The following GNA13 variants were observed in gnomAD, a reference collection of about 807,000 sequenced individuals.
GNA13 encodes the protein G protein subunit alpha 13, also known as guanine nucleotide-binding protein subunit alpha-13.
Under a neutral mutation model 33.5 loss-of-function variants are expected in GNA13, and 4 were observed. That is an observed-to-expected ratio of 0.12 (90% CI 0.06 to 0.27). The LOEUF is 0.27. GNA13 is among the 10% of genes least tolerant of loss of function. The pLI is 1.00. For synonymous variants in GNA13, 176 were observed against 183.8 expected (o/e 0.96, Z 0.34); for missense variants, 319 against 487.2 (o/e 0.65, Z 3.25).
chr17:65,056,283 C>G (rs754833698), intron 1 of GNA13, 28 bp downstream of exon 1: 48 of 838,948 alleles, frequency 5.7e-5, no homozygotes, highest in Non-Finnish European at 7.9e-5. Context: ...CTGCCCTTAA[C>G]CCCCGGCCCC....
chr17:65,027,259 A>T (rs1282106109), intron 2 of GNA13, among the ~76,000 whole-genome samples: 1 of 150,962 alleles, frequency 6.6e-6, no homozygotes, highest in Non-Finnish European at 1.5e-5. Context: ...TTCTCAAATC[A>T]TCCAGATTTA....
At chr17:65,049,084 G>A (rs570573537) in intron 2 of GNA13, among the ~76,000 whole-genome samples, 2 of 152,162 alleles carry the variant, frequency 1.3e-5, no homozygotes, top group Admixed American at 6.6e-5. Context: ...GGAACTTAAT[G>A]TAGAATTAAA....
Position 65,053,482 on chromosome 17 carries a change from TA to T in GNA13, c.510+19del, listed in dbSNP as rs1238461113. 6 of 1,461,192 alleles carry T rather than the reference TA, an allele frequency of 4.1e-6. No homozygotes were observed. Among genetic ancestry groups the T allele is most frequent in the Non-Finnish European group, 5.8e-6 (6 of 1,041,738 alleles). The allele number at this position is 1,461,192 out of a possible 1,614,324, so 90.5% of individuals were successfully genotyped here. ...ATCATTAAAATAAAACCACACGTTT[TA>T]AAAGAGCAAATCTCTTACCAGTTGA... On this transcript the variant is annotated intron_variant, in intron 2 of 3. Coordinates refer to ENST00000439174, the MANE Select transcript of GNA13 (RefSeq NM_006572.6).
In GNA13 at chr17:65,056,715, C is replaced by G. The variant is rs1310997181; in HGVS notation, c.-122G>C. The G allele has an allele frequency of 5.9e-5, 34 of 575,412 alleles. No individual in the cohort carries two copies. Among genetic ancestry groups the G allele is most frequent in the Non-Finnish European group, 8.6e-5 (34 of 396,750 alleles). The allele number at this position is 575,412 out of a possible 1,614,324, so 35.6% of individuals were successfully genotyped here. On this transcript the variant is annotated 5_prime_UTR_variant, in exon 1 of 4. Coordinates refer to ENST00000439174, the MANE Select transcript of GNA13 (RefSeq NM_006572.6). ...GAGCGCGGCGGCGGCCCGAGCGCGC[C>G]CAGGGAGGGAGGGAACCAGCGAACT...
intron 1 of GNA13, 46 bp from the exon 2 acceptor site, chr17:65,053,774 C>T (rs1390947371): frequency 3.5e-6 from 4 of 1,144,166 alleles, no homozygotes; most frequent in South Asian, 2.6e-5. Context: ...GGAGTCATTA[C>T]ATATTATCAT....
At chr17:65,054,830 C>A (rs571152038) in intron 1 of GNA13, among the ~76,000 whole-genome samples, 2 of 152,250 alleles carry the variant, frequency 1.3e-5, no homozygotes, top group Admixed American at 1.3e-4. Flanking sequence ...AAGGTACCTT[C>A]AATTAAGGAC....
In GNA13 at chr17:65,011,884, TG is replaced by T. The variant is rs1482220791; in HGVS notation, c.*2372del. ...AAGGATTCAGTTTTCATGATACAGGTGTAAGACTCCTTTCAAACGTTTTTAA... is the reference window on the plus strand; with the variant it reads ...AAGGATTCAGTTTTCATGATACAGGTTAAGACTCCTTTCAAACGTTTTTAA... On this transcript the variant is annotated 3_prime_UTR_variant, in exon 4 of 4. Coordinates refer to ENST00000439174, the MANE Select transcript of GNA13 (RefSeq NM_006572.6). 6 of 227,532 alleles carry T rather than the reference TG, an allele frequency of 2.6e-5. No homozygotes were observed. The highest frequency in any genetic ancestry group is 5.2e-5 in the Non-Finnish European group (6 of 114,624). 14.1% of individuals were successfully genotyped at this position (227,532 alleles called of 1,614,324 possible). A position where few individuals can be genotyped will look rare whatever the true frequency, so the allele number is the denominator to read the frequency against.
At chr17:65,050,200 T>C (rs1056332294) in intron 2 of GNA13, among the ~76,000 whole-genome samples, 11 of 151,720 alleles carry the variant, frequency 7.3e-5, no homozygotes, top group African/African-American at 1.9e-4. Flanking sequence ...GAACACAAAA[T>C]AGAGGAAAGG....
intron 3 of GNA13, among the ~76,000 whole-genome samples, chr17:65,016,608 C>A (rs1256068796): frequency 6.6e-6 from 1 of 152,196 alleles, no homozygotes; most frequent in Non-Finnish European, 1.5e-5. Flanking sequence ...GTGATCCTCC[C>A]GCCTCAGCCT....
intron 2 of GNA13, among the ~76,000 whole-genome samples, chr17:65,038,170 C>T (rs1029933293): frequency 6.6e-6 from 1 of 151,974 alleles, no homozygotes; most frequent in South Asian, 2.1e-4. Flanking sequence ...TTTGGGAGGC[C>T]GAGGCAGACA....
chr17:65,055,988 C>T (rs909599412), intron 1 of GNA13, among the ~76,000 whole-genome samples: 2 of 152,132 alleles, frequency 1.3e-5, no homozygotes, highest in African/African-American at 4.8e-5. Flanking sequence ...GCCCACACCC[C>T]GAGGCAGCAC....
chr17:65,028,775 T>C (rs1250880493), intron 2 of GNA13, among the ~76,000 whole-genome samples: 1 of 152,074 alleles, frequency 6.6e-6, no homozygotes, highest in East Asian at 1.9e-4. Context: ...CCTACTTTAC[T>C]CTTCAGCTCC....
chr17:65,018,764 C>T (rs1906475221), intron 2 of GNA13, among the ~76,000 whole-genome samples: 1 of 152,046 alleles, frequency 6.6e-6, no homozygotes, highest in South Asian at 2.1e-4. Context: ...TGTACAAAAT[C>T]CCCCAACCAC....
At chr17:65,029,437 C>T (rs1348320291) in intron 2 of GNA13, among the ~76,000 whole-genome samples, 1 of 152,174 alleles carries the variant, frequency 6.6e-6, no homozygotes, top group Non-Finnish European at 1.5e-5. Flanking sequence ...AACAAGTAAC[C>T]TTATGCTCCA....
rs995990151 is a variant in GNA13, at chr17:65,039,984, T to G, written c.510+13518A>C. 3.3e-5 allele frequency among the ~76,000 whole-genome samples: 5 copies of G among 152,312 alleles called. No individual in the cohort carries two copies. The South Asian group carries it at 1.0e-3, about 32-fold the overall frequency. On this transcript the variant is annotated intron_variant, in intron 2 of 3. Transcript: ENST00000439174. The stretch of plus-strand genomic sequence containing the variant: ...CTCATCACTTTTTGCATTCGCTAGT[T>G]ACTTTTCATATAGAATAAAATATAA...
rs910842662 is a variant in GNA13, at chr17:65,010,221, A to T, written c.*4036T>A. 2.8e-4 allele frequency among the ~76,000 whole-genome samples: 43 copies of T among 152,190 alleles called. No individual in the cohort carries two copies. Among genetic ancestry groups the T allele is most frequent in the African/African-American group, 1.0e-3 (43 of 41,444 alleles). ...ACATAAGAATGCTAGTGGTACAAAC[A>T]CTGTACTCCAAATGATGTTGTTAAT... On this transcript the variant is annotated 3_prime_UTR_variant, in exon 4 of 4. Coordinates refer to ENST00000439174, the MANE Select transcript of GNA13 (RefSeq NM_006572.6).
intron 2 of GNA13, among the ~76,000 whole-genome samples, chr17:65,047,785 CTT>C (rs1907720265): frequency 6.6e-6 from 1 of 151,840 alleles, no homozygotes. Context: ...TCAAATGACT[CTT>C]GATTGTATTA....
At chr17:65,025,082 G>C (rs2143785087) in intron 2 of GNA13, among the ~76,000 whole-genome samples, 1 of 152,198 alleles carries the variant, frequency 6.6e-6, no homozygotes, top group East Asian at 1.9e-4. Context: ...ATTTTTAGTA[G>C]AGATGGGGTT....
At chr17:65,040,191 A>T (rs1297338775) in intron 2 of GNA13, among the ~76,000 whole-genome samples, 1 of 152,226 alleles carries the variant, frequency 6.6e-6, no homozygotes, top group Non-Finnish European at 1.5e-5. Flanking sequence ...CACCAACTTT[A>T]AAATTGGTTG....
Sources: gnomAD v4.1 joint callset for allele counts (sites outside exome capture counted in the v4.1 genomes callset) on GRCh38, gnomAD v4.1.1 for gene constraint, MANE v1.5 for transcripts, NCBI Gene and HGNC (gene_info 2026-07-23, HGNC 2026-07-21) for gene names.